The following PCDHGA10 variants were observed in gnomAD, a reference collection of about 807,000 sequenced individuals.
PCDHGA10 encodes protocadherin gamma subfamily A, 10.
Under a neutral mutation model 59.5 loss-of-function variants are expected in PCDHGA10, and 42 were observed. That is an observed-to-expected ratio of 0.71 (90% CI 0.55 to 0.91). The LOEUF is 0.91. Ranked by LOEUF, PCDHGA10 falls within the 40% of genes least tolerant of loss-of-function variation. The probability of loss-of-function intolerance (pLI) is 0.00; values close to 1 mark genes in which losing one functional copy is unlikely to be tolerated. For missense variants in PCDHGA10, 1,111 were observed against 1,198.2 expected, an observed-to-expected ratio of 0.93 and a Z score of 1.07; for synonymous variants, 511 against 517.2, an observed-to-expected ratio of 0.99 and a Z score of 0.16.
intron 1 of PCDHGA10, among the ~76,000 whole-genome samples, chr5:141,473,611 G>C (rs2099325261): frequency 6.6e-6 from 1 of 152,140 alleles, no homozygotes; most frequent in Non-Finnish European, 1.5e-5. Context: ...GCAAAGCAAA[G>C]GGAGGGAGGA....
chr5:141,427,694 A>T (rs758628764), intron 1 of PCDHGA10: 2 of 913,932 alleles, frequency 2.2e-6, no homozygotes, highest in Non-Finnish European at 3.5e-6. Context: ...CCTCCATCCC[A>T]CAAGTCAGCG....
At chr5:141,481,913 C>CAA (rs34114744) in intron 1 of PCDHGA10, among the ~76,000 whole-genome samples, 26 of 90,736 alleles carry the variant, frequency 2.9e-4, no homozygotes, top group Non-Finnish European at 3.5e-4. Context: ...AACTCCATCT[C>CAA]AAAAAAAAAA....
intron 1 of PCDHGA10, among the ~76,000 whole-genome samples, chr5:141,466,534 T>C (rs1343781541): frequency 6.6e-6 from 1 of 152,214 alleles, no homozygotes; most frequent in Non-Finnish European, 1.5e-5. Flanking sequence ...CAAATTGATG[T>C]AGATGGTCTT....
At chr5:141,508,267 C>G (rs993402135) in intron 3 of PCDHGA10, 5 of 152,336 alleles carry the variant, frequency 3.3e-5, no homozygotes, top group African/African-American at 9.6e-5. Context: ...AAGAGAAAAT[C>G]CCGGTCCTTG....
intron 1 of PCDHGA10, among the ~76,000 whole-genome samples, chr5:141,445,885 G>A (rs1171777990): frequency 1.3e-5 from 2 of 152,148 alleles, no homozygotes; most frequent in African/African-American, 4.8e-5. Flanking sequence ...CTTGTACTTA[G>A]GAGCTATTAA....
chr5:141,459,284 A>C (rs2098965103), intron 1 of PCDHGA10, among the ~76,000 whole-genome samples: 1 of 152,174 alleles, frequency 6.6e-6, no homozygotes, highest in African/African-American at 2.4e-5. Flanking sequence ...ATTTCATCTA[A>C]ATGGAATCCT....
intron 1 of PCDHGA10, among the ~76,000 whole-genome samples, chr5:141,455,419 G>T (rs1462099602): frequency 6.6e-6 from 1 of 152,124 alleles, no homozygotes; most frequent in Non-Finnish European, 1.5e-5. Flanking sequence ...AGGGAGCGGG[G>T]CTCCAAAAGA....
intron 1 of PCDHGA10, among the ~76,000 whole-genome samples, chr5:141,484,760 A>G (rs1472178052): frequency 2.0e-5 from 3 of 151,880 alleles, no homozygotes; most frequent in South Asian, 2.1e-4. Flanking sequence ...GTATATATAT[A>G]TATATGTTGT....
At chr5:141,497,479 G>A (rs1028715475) in intron 2 of PCDHGA10, among the ~76,000 whole-genome samples, 5 of 151,886 alleles carry the variant, frequency 3.3e-5, no homozygotes, top group Non-Finnish European at 7.4e-5. Flanking sequence ...GAGAAGGTGC[G>A]GAACCTCTCT....
intron 1 of PCDHGA10, among the ~76,000 whole-genome samples, chr5:141,458,079 C>G (rs1016889225): frequency 6.6e-6 from 1 of 152,186 alleles, no homozygotes; most frequent in Non-Finnish European, 1.5e-5. Context: ...AACTATATTG[C>G]CGTAAGTTAA....
chr5:141,477,087 C>A lies in PCDHGA10; in HGVS notation c.2437-17720C>A, dbSNP rs748424193. 14 of 1,614,244 alleles carry A rather than the reference C, an allele frequency of 8.7e-6. No individual in the cohort carries two copies. Among genetic ancestry groups the A allele is most frequent in the Non-Finnish European group, 8.5e-7 (1 of 1,180,048 alleles). On this transcript the variant is annotated intron_variant, in intron 1 of 3. Transcript: ENST00000398610. This position sits in a 1 kb window ranked among gnomAD's most constrained non-coding sequence, Gnocchi z 4.9. ...AAACTCCATGAGATTTACATCCAGG[C>A]CAAAGACAAGGGCGCCAATCCCGAA...
At chr5:141,428,129 C>G (rs1449809875) in intron 1 of PCDHGA10, 1 of 1,603,218 alleles carries the variant, frequency 6.2e-7, no homozygotes, top group Non-Finnish European at 8.5e-7. Context: ...CCGGGCTTTT[C>G]AGCCTGGGGC....
At position 141,432,225 on chromosome 5, in the gene PCDHGA10, A is replaced by T; in HGVS notation, c.2436+16614A>T. On this transcript the variant is annotated intron_variant, in intron 1 of 3. Transcript: ENST00000398610. This position sits in a 1 kb window ranked among gnomAD's most constrained non-coding sequence, Gnocchi z 6.0. ...TGTGAAGAGAACGCCCAGATCACTT[A>T]TTCCCTGGCTGAGAACACCATCCAA... The T allele has an allele frequency of 1.2e-6, 2 of 1,614,206 alleles. No individual in the cohort carries two copies. Among genetic ancestry groups the T allele is most frequent in the South Asian group, 2.2e-5 (2 of 91,080 alleles).
intron 2 of PCDHGA10, among the ~76,000 whole-genome samples, chr5:141,500,416 A>G: frequency 6.6e-6 from 1 of 151,634 alleles, no homozygotes; most frequent in East Asian, 2.0e-4. Flanking sequence ...TCACCGTGTT[A>G]GCCAGGATGG....
In PCDHGA10 at chr5:141,415,304, C is replaced by A; in HGVS notation, c.2129C>A (p.Ala710Asp). 1 of 1,614,188 alleles carries A rather than the reference C, an allele frequency of 6.2e-7. No homozygotes were observed. The highest frequency in any genetic ancestry group is 8.5e-7 in the Non-Finnish European group (1 of 1,180,032). ...GCCGCGGTCTCCTGCGTCTTCCTGG[C>A]CTTCGTCATCGTGCTGCTGGCGCAC... is the stretch of plus-strand genomic sequence containing the variant. ...AVAAVSCVFL[A>D]FVIVLLAHRL... is the part of the protein sequence containing the mutation. Residue 710 changes from alanine to aspartate, a missense_variant, in exon 1 of 4, where the codon GCC (alanine) becomes GAC (aspartate). Physicochemically the swap from Ala to Asp is moderately radical, Grantham distance 126 (BLOSUM62 -2). Coordinates refer to ENST00000398610, the MANE Select transcript of PCDHGA10 (RefSeq NM_018913.3).
chr5:141,490,454 CG>C lies in PCDHGA10; in HGVS notation c.2437-4352del. ...ATTAAGCCTTCTGAGAACCACTACT[CG>C]CTGCTAACCAGCCAGCCTTTGGACC... On this transcript the variant is annotated intron_variant, in intron 1 of 3. Coordinates refer to ENST00000398610, the MANE Select transcript of PCDHGA10 (RefSeq NM_018913.3). This position sits in a 1 kb window ranked among gnomAD's most constrained non-coding sequence, Gnocchi z 5.4. The C allele has an allele frequency of 1.2e-6, 2 of 1,614,176 alleles. No individual in the cohort carries two copies. Among genetic ancestry groups the C allele is most frequent in the Non-Finnish European group, 1.7e-6 (2 of 1,180,020 alleles).
chr5:141,469,731 C>T (rs1332201791), intron 1 of PCDHGA10, among the ~76,000 whole-genome samples: 1 of 152,214 alleles, frequency 6.6e-6, no homozygotes, highest in Non-Finnish European at 1.5e-5. Context: ...ATCATAAATA[C>T]ACACCTCAAA....
chr5:141,491,666 G>T lies in PCDHGA10; in HGVS notation c.2437-3141G>T, dbSNP rs373526771. Reference sequence around the variant, plus strand: ...CTGGCGCTGGAGCCTGACGCCATCCGGTCCCGCTCTAATACGCTGCGGGAG... The same window carrying T: ...CTGGCGCTGGAGCCTGACGCCATCCTGTCCCGCTCTAATACGCTGCGGGAG... On this transcript the variant is annotated intron_variant, in intron 1 of 3. Transcript: ENST00000398610. This position sits in a 1 kb window ranked among gnomAD's most constrained non-coding sequence, Gnocchi z 6.9. 1.2e-6 allele frequency: 2 copies of T among 1,613,732 alleles called. No homozygotes were observed. Among genetic ancestry groups the T allele is most frequent in the Non-Finnish European group, 1.7e-6 (2 of 1,180,008 alleles).
Position 141,485,996 on chromosome 5 carries a change from G to A in PCDHGA10, c.2437-8811G>A, listed in dbSNP as rs114142606. On this transcript the variant is annotated intron_variant, in intron 1 of 3. Coordinates refer to ENST00000398610, the MANE Select transcript of PCDHGA10 (RefSeq NM_018913.3). The surrounding 1 kb of genome is among the most constrained non-coding windows in gnomAD (Gnocchi z 5.7). ...CTCAGACCCGGACCTGGGTCCCAGT[G>A]GTAACGTCACCTTTTATTTCAGTGG... The A allele has an allele frequency of 1.6e-4, 256 of 1,614,178 alleles. 1 individual carries two copies. Among genetic ancestry groups the A allele is most frequent in the Middle Eastern group, 1.5e-3 (9 of 6,062 alleles).
Sources: allele counts gnomAD v4.1 joint callset (sites outside exome capture counted in the v4.1 genomes callset), GRCh38; gene constraint gnomAD v4.1.1; non-coding constraint Gnocchi (gnomAD v3.1); transcripts MANE v1.5; gene names NCBI Gene and HGNC (gene_info 2026-07-23, HGNC 2026-07-21).